Variants in ANK2 observed in about 807,000 individuals in gnomAD.
ANK2 encodes the protein ankyrin-2.
A neutral mutation model predicts 360.5 loss-of-function variants in ANK2; 83 were observed. The observed-to-expected ratio is 0.23, with a 90% CI of 0.19 to 0.28. The LOEUF (loss-of-function observed/expected upper bound fraction) is 0.28. Ranked by LOEUF, ANK2 falls within the 10% of genes least tolerant of loss-of-function variation. The pLI, the probability that ANK2 is intolerant of heterozygous loss-of-function variation, is 1.00. For synonymous variants in ANK2, 1,740 were observed against 1,759.5 expected (o/e 0.99, Z 0.28); for missense variants, 4,201 against 4,795.7 (o/e 0.88, Z 3.66).
Position 113,359,049 on chromosome 4 carries a change from C to G in ANK2, c.10431C>G (p.Phe3477Leu). ...FFDLYRNSIE[F>L]FEEISDEASK... The stretch of plus-strand genomic sequence containing the variant: ...ACCTTTACAGAAATTCCATAGAATT[C>G]TTTGAGGAGATTAGTGATGAGGCTT... The change falls in exon 38 of 46, where the codon TTC (phenylalanine) becomes TTG (leucine). Residue 3477 changes from phenylalanine to leucine, a missense_variant. Around this residue, in one of 4 missense-constraint regions of ANK2, gnomAD observed 2,642 missense variants for 2,714.5 expected, o/e 0.97. Coordinates refer to ENST00000357077, the MANE Select transcript of ANK2 (RefSeq NM_001148.6). The G allele has an allele frequency of 6.2e-7, 1 of 1,614,036 alleles. No homozygotes were observed. The highest frequency in any genetic ancestry group is 8.5e-7 in the Non-Finnish European group (1 of 1,179,970).
chr4:112,969,984 T>G (rs1309581262), intron 2 of ANK2, among the ~76,000 whole-genome samples: 1 of 152,086 alleles, frequency 6.6e-6, no homozygotes, highest in Non-Finnish European at 1.5e-5. Flanking sequence ...ACATATAATT[T>G]TATTATTTTT....
intron 2 of ANK2, among the ~76,000 whole-genome samples, chr4:113,001,350 AAG>A (rs1554045524): frequency 6.6e-6 from 1 of 151,112 alleles, no homozygotes; most frequent in African/African-American, 2.4e-5. Context: ...AAAAAAAAAA[AAG>A]GTGAAACTTT....
chr4:113,275,339 T>A (rs1329761115), intron 15 of ANK2, among the ~76,000 whole-genome samples: 1 of 152,210 alleles, frequency 6.6e-6, no homozygotes, highest in African/African-American at 2.4e-5. Context: ...GGAGATGACT[T>A]AGAATAAAAC....
the ANK2 span, among the ~76,000 whole-genome samples, chr4:112,755,641 A>G: frequency 6.6e-6 from 1 of 152,136 alleles, no homozygotes; most frequent in African/African-American, 2.4e-5. Flanking sequence ...AACAAATTAC[A>G]ATGGTGGAAT....
At chr4:112,706,792 G>A in the ANK2 span, 1 of 152,208 alleles carries the variant, frequency 6.6e-6, no homozygotes, top group African/African-American at 2.4e-5. Context: ...GAAAACATGT[G>A]TTCCTGTTCT....
At chr4:112,726,012 G>A in the ANK2 span, among the ~76,000 whole-genome samples, 1 of 152,272 alleles carries the variant, frequency 6.6e-6, no homozygotes. Flanking sequence ...GGTGGGGTGG[G>A]TAGATTTATA....
At chr4:112,775,641 G>A in the ANK2 span, among the ~76,000 whole-genome samples, 1 of 152,164 alleles carries the variant, frequency 6.6e-6, no homozygotes, top group Non-Finnish European at 1.5e-5. Context: ...AAAATGGGCA[G>A]GTTGTAGGGT....
intron 1 of ANK2, among the ~76,000 whole-genome samples, chr4:113,112,865 C>A (rs2094439208): frequency 1.3e-5 from 2 of 152,174 alleles, no homozygotes; most frequent in African/African-American, 2.4e-5. Flanking sequence ...AGGAAGATAT[C>A]CTTTGGGCAT....
chr4:113,040,066 A>G (rs1297666040), intron 2 of ANK2, among the ~76,000 whole-genome samples: 1 of 152,028 alleles, frequency 6.6e-6, no homozygotes, highest in Non-Finnish European at 1.5e-5. Context: ...ACCTGCCCCA[A>G]TGTGCTATTT....
chr4:113,368,793 AAATAT>A (rs1200201575), intron 42 of ANK2, among the ~76,000 whole-genome samples: 1 of 152,178 alleles, frequency 6.6e-6, no homozygotes, highest in Non-Finnish European at 1.5e-5. Flanking sequence ...GTTTTAAAGA[AAATAT>A]AAGGAAGAAG....
intron 2 of ANK2, among the ~76,000 whole-genome samples, chr4:112,918,030 C>G (rs1287896946): frequency 2.0e-5 from 3 of 152,170 alleles, no homozygotes; most frequent in Non-Finnish European, 2.9e-5. Flanking sequence ...CTTATTGCTT[C>G]CCTTGCTTGG....
At chr4:113,240,675 T>C in intron 8 of ANK2, 92 bp downstream of exon 8, 1 of 1,170,534 alleles carries the variant, frequency 8.5e-7, no homozygotes, top group Non-Finnish European at 1.2e-6. Flanking sequence ...TTAAAGATTT[T>C]ACTTCTTTTT....
chr4:113,218,943 AT>A, intron 4 of ANK2, among the ~76,000 whole-genome samples: 1 of 152,126 alleles, frequency 6.6e-6, no homozygotes, highest in Non-Finnish European at 1.5e-5. Context: ...AGGTTAATGG[AT>A]TTTGCTCTGT....
chr4:113,311,554 CTT>C (rs1422052901), intron 24 of ANK2, among the ~76,000 whole-genome samples, 155 bp downstream of exon 24: 1 of 152,144 alleles, frequency 6.6e-6, no homozygotes, highest in Non-Finnish European at 1.5e-5. Context: ...TGTCTAACAA[CTT>C]TAAGATATGC....
At chr4:113,080,145 T>G (rs2081803363) in intron 1 of ANK2, among the ~76,000 whole-genome samples, 1 of 152,166 alleles carries the variant, frequency 6.6e-6, no homozygotes, top group Non-Finnish European at 1.5e-5. Context: ...GTGTTCCGCC[T>G]GCCTCGGCCT....
chr4:112,725,600 TCCTCCCGCCTCAG>T, the ANK2 span, among the ~76,000 whole-genome samples: 1 of 151,864 alleles, frequency 6.6e-6, no homozygotes, highest in African/African-American at 2.4e-5. Flanking sequence ...CCTCAAGTGA[TCCTCCCGCCTCAG>T]CCTCCCAAAG....
Position 113,357,218 on chromosome 4 carries a change from C to A in ANK2, c.8600C>A (p.Ala2867Asp). 2 of 1,614,030 alleles carry A rather than the reference C, an allele frequency of 1.2e-6. No individual in the cohort carries two copies. Among genetic ancestry groups the A allele is most frequent in the Non-Finnish European group, 1.7e-6 (2 of 1,179,988 alleles). The change falls in exon 38 of 46, where the codon GCC becomes GAC. Residue 2867 changes from alanine (A) to aspartate (D), a missense_variant. Ala to Asp is a moderately radical substitution (Grantham distance 126). Coordinates refer to ENST00000357077, the MANE Select transcript of ANK2 (RefSeq NM_001148.6). ...EGKELDEDIS[A>D]TSSIQKTEVT... ...AAAGAATTAGATGAAGACATATCTG[C>A]CACATCTTCTATTCAAAAAACAGAG...
chr4:112,854,204 A>G (rs1046950336), intron 1 of ANK2, among the ~76,000 whole-genome samples: 1 of 152,212 alleles, frequency 6.6e-6, no homozygotes, highest in African/African-American at 2.4e-5. Context: ...AGAATCTTAT[A>G]AACTTGGTAG....
chr4:113,025,163 C>T (rs1344454103), intron 2 of ANK2, among the ~76,000 whole-genome samples: 1 of 152,050 alleles, frequency 6.6e-6, no homozygotes, highest in Non-Finnish European at 1.5e-5. Flanking sequence ...TGCCCCCTGC[C>T]CCAATTTTCC....
Sources: gnomAD v4.1 joint callset for allele counts (sites outside exome capture counted in the v4.1 genomes callset) on GRCh38, gnomAD v4.1.1 for gene constraint, gnomAD v4.1.1 regional missense constraint, MANE v1.5 for transcripts, NCBI Gene and HGNC (gene_info 2026-07-23, HGNC 2026-07-21) for gene names.